The following DENND2A variants were observed in gnomAD, a reference collection of about 807,000 sequenced individuals.
The protein encoded by DENND2A is DENN domain-containing protein 2A.
DENND2A carries 53 observed loss-of-function variants against 105.3 expected under a neutral mutation model. The ratio of observed to expected loss-of-function variants is 0.50; its 90% CI spans 0.40 to 0.63. The LOEUF (loss-of-function observed/expected upper bound fraction) is 0.63, where lower values mean the gene tolerates loss of function less well. Ranked by LOEUF, DENND2A falls within the 30% of genes least tolerant of loss-of-function variation. The pLI, the probability that DENND2A is intolerant of heterozygous loss-of-function variation, is 0.00. For missense variants in DENND2A, 1,138 were observed against 1,279.6 expected (o/e 0.89, Z 1.69); for synonymous variants, 522 against 508.4 (o/e 1.03, Z -0.36).
chr7:140,524,975 T>C (rs1796003713), intron 16 of DENND2A, among the ~76,000 whole-genome samples: 1 of 146,324 alleles, frequency 6.8e-6, no homozygotes, highest in African/African-American at 2.5e-5. Context: ...AAGCTCCACC[T>C]CCTGGGTTCA....
chr7:140,574,367 C>T (rs1208686364), intron 5 of DENND2A, among the ~76,000 whole-genome samples: 1 of 152,080 alleles, frequency 6.6e-6, no homozygotes, highest in Non-Finnish European at 1.5e-5. Context: ...TGCAAGCACA[C>T]ACTGCCACGC....
At chr7:140,545,023 G>T (rs1365064682) in intron 13 of DENND2A, 1 of 309,136 alleles carries the variant, frequency 3.2e-6, no homozygotes, top group Non-Finnish European at 4.7e-6. Context: ...GTGGACGAAC[G>T]GGATGACAGA....
intron 11 of DENND2A, among the ~76,000 whole-genome samples, chr7:140,557,708 T>G (rs1585626664): frequency 3.4e-5 from 5 of 146,394 alleles, no homozygotes; most frequent in African/African-American, 1.2e-4. Flanking sequence ...CCCGGCTAAT[T>G]TTTGTATTTT....
chr7:140,553,804 C>G (rs529052965), intron 12 of DENND2A, among the ~76,000 whole-genome samples: 97 of 152,300 alleles, frequency 6.4e-4, no homozygotes, highest in African/African-American at 1.6e-3. Flanking sequence ...GAGAGCACGG[C>G]GTTGGGGGTA....
At chr7:140,582,263 C>T (rs370486049) in intron 5 of DENND2A, among the ~76,000 whole-genome samples, 11 of 152,144 alleles carry the variant, frequency 7.2e-5, no homozygotes, top group African/African-American at 2.4e-4. Context: ...CCGCGCTTGG[C>T]CTGGGCAGAT....
chr7:140,623,620 C>T (rs1358969017), intron 1 of DENND2A, among the ~76,000 whole-genome samples: 3 of 150,140 alleles, frequency 2.0e-5, no homozygotes, highest in South Asian at 4.2e-4. Context: ...CCCAGCTACT[C>T]GGGAGGCTGA....
At chr7:140,546,668 C>T in intron 13 of DENND2A, 131 bp downstream of exon 13, 1 of 1,198,934 alleles carries the variant, frequency 8.3e-7, no homozygotes, top group Admixed American at 2.6e-5. Context: ...GTGATCTGGG[C>T]CAGCTCTAGG....
chr7:140,537,518 A>G (rs895241062), intron 14 of DENND2A, among the ~76,000 whole-genome samples: 25 of 152,224 alleles, frequency 1.6e-4, no homozygotes, highest in African/African-American at 6.0e-4. Context: ...GTCATAGCTC[A>G]CTAGCCTCAA....
chr7:140,586,366 A>AACACACAC (rs10524571), intron 4 of DENND2A, among the ~76,000 whole-genome samples: 1,424 of 139,598 alleles, frequency 0.01, 6 homozygotes, highest in African/African-American at 0.018. Context: ...TAAAAAAGAA[A>AACACACAC]ACACACACAC....
At chr7:140,635,943 T>C (rs1800913646) in intron 1 of DENND2A, among the ~76,000 whole-genome samples, 1 of 152,184 alleles carries the variant, frequency 6.6e-6, no homozygotes, top group Admixed American at 6.5e-5. Context: ...TCGCTGTCTT[T>C]TGCATATGAA....
chr7:140,624,364 AAC>A (rs1019162217), intron 1 of DENND2A, among the ~76,000 whole-genome samples: 3 of 120,920 alleles, frequency 2.5e-5, no homozygotes, highest in Non-Finnish European at 5.3e-5. Flanking sequence ...CAACAACAAC[AAC>A]ACAACAACAA....
chr7:140,611,127 C>T (rs750098648), intron 1 of DENND2A, among the ~76,000 whole-genome samples: 4 of 152,200 alleles, frequency 2.6e-5, no homozygotes, highest in Non-Finnish European at 5.9e-5. Context: ...CTCACCGCCA[C>T]TCCACCTCCC....
chr7:140,543,063 G>A (rs1796738212), intron 14 of DENND2A, among the ~76,000 whole-genome samples: 1 of 151,816 alleles, frequency 6.6e-6, no homozygotes, highest in Non-Finnish European at 1.5e-5. Context: ...CTGGAGAGTC[G>A]GCTTATGTCT....
chr7:140,576,140 T>A (rs1798292970), intron 5 of DENND2A, among the ~76,000 whole-genome samples: 1 of 152,022 alleles, frequency 6.6e-6, no homozygotes, highest in African/African-American at 2.4e-5. Context: ...TCTTTTAGGA[T>A]TCTAATGTTT....
chr7:140,597,693 G>A (rs142253160), intron 3 of DENND2A, among the ~76,000 whole-genome samples: 18 of 152,270 alleles, frequency 1.2e-4, no homozygotes, highest in East Asian at 7.7e-4. Context: ...AGGTTGACTC[G>A]CCTGCCCAGT....
chr7:140,591,728 C>A (rs902360285), intron 3 of DENND2A, among the ~76,000 whole-genome samples: 1 of 142,348 alleles, frequency 7.0e-6, no homozygotes, highest in Non-Finnish European at 1.5e-5. Flanking sequence ...TCTTTCCTTT[C>A]CTTTCTCTCT....
intron 11 of DENND2A, among the ~76,000 whole-genome samples, 177 bp from the exon 12 acceptor site, chr7:140,555,890 G>C (rs1295795655): frequency 2.0e-5 from 3 of 152,080 alleles, no homozygotes; most frequent in Non-Finnish European, 4.4e-5. Flanking sequence ...TGTTATAATT[G>C]TTTTGTATCC....
At chr7:140,546,973 G>A (rs369700336) in intron 12 of DENND2A, 34 bp from the exon 13 acceptor site, 11 of 1,597,840 alleles carry the variant, frequency 6.9e-6, no homozygotes, top group African/African-American at 5.3e-5. Context: ...TAGCTATTCC[G>A]AAGCCAAAGC....
At chr7:140,594,255 C>CT in intron 3 of DENND2A, among the ~76,000 whole-genome samples, 2 of 152,172 alleles carry the variant, frequency 1.3e-5, no homozygotes, top group South Asian at 4.2e-4. Context: ...AAAAATGTTC[C>CT]TTTTTTCCAT....
Sources: gnomAD v4.1 joint callset for allele counts (sites outside exome capture counted in the v4.1 genomes callset) on GRCh38, gnomAD v4.1.1 for gene constraint, MANE v1.5 for transcripts, NCBI Gene and HGNC (gene_info 2026-07-23, HGNC 2026-07-21) for gene names.